The following MCC variants were observed in gnomAD, a reference collection of about 807,000 sequenced individuals.
MCC encodes the protein MCC regulator of Wnt signaling pathway.
In MCC, 90 loss-of-function variants were observed where a neutral mutation model predicts 116.2. The observed-to-expected ratio is 0.77, with a 90% CI of 0.65 to 0.92. The LOEUF is 0.92. Ranked by LOEUF, MCC falls within the 40% of genes least tolerant of loss-of-function variation. The probability of loss-of-function intolerance (pLI) is 0.00; values close to 1 mark genes in which losing one functional copy is unlikely to be tolerated. For synonymous variants in MCC, 578 were observed against 510.5 expected (o/e 1.13, Z -1.78); for missense variants, 1,516 against 1,312.2 (o/e 1.16, Z -2.40).
chr5:113,412,198 G>A (rs1428467584), intron 1 of MCC, among the ~76,000 whole-genome samples: 1 of 152,150 alleles, frequency 6.6e-6, no homozygotes, highest in African/African-American at 2.4e-5. Context: ...TTTGAAGTCA[G>A]GTAGCGTGAT....
At chr5:113,103,015 G>A (rs541157167) in intron 7 of MCC, among the ~76,000 whole-genome samples, 1 of 152,334 alleles carries the variant, frequency 6.6e-6, no homozygotes, top group South Asian at 2.1e-4. Context: ...TTGGGAGGCT[G>A]AGGCAGGAGA....
intron 3 of MCC, among the ~76,000 whole-genome samples, chr5:113,176,882 G>A (rs1761362294): frequency 6.6e-6 from 1 of 152,068 alleles, no homozygotes. Flanking sequence ...AGGGTCCACT[G>A]CTTGTCTAGA....
At chr5:113,262,786 T>G (rs918262437) in intron 3 of MCC, among the ~76,000 whole-genome samples, 54 of 152,138 alleles carry the variant, frequency 3.5e-4, no homozygotes, top group Non-Finnish European at 8.8e-5. Context: ...CCTGATTTTC[T>G]GATTAAGGAG....
rs1447110674 is a variant in MCC, at chr5:113,218,007, C to T, written c.628-66585G>A. 3.3e-5 allele frequency among the ~76,000 whole-genome samples: 5 copies of T among 151,412 alleles called. No individual in the cohort carries two copies. In the East Asian group the frequency reaches 9.7e-4, roughly 29 times the overall value. ...GCAGTTTGATCTGTCCCATGCTGACCAGACACTGTAAATAGTTTAGTTTAG... is the reference window on the plus strand; with the variant it reads ...GCAGTTTGATCTGTCCCATGCTGACTAGACACTGTAAATAGTTTAGTTTAG... On this transcript the variant is annotated intron_variant, in intron 3 of 18. Coordinates refer to ENST00000408903, the MANE Select transcript of MCC (RefSeq NM_001085377.2).
chr5:113,357,201 C>T (rs902339089), intron 2 of MCC, among the ~76,000 whole-genome samples: 35 of 152,036 alleles, frequency 2.3e-4, no homozygotes, highest in African/African-American at 7.5e-4. Flanking sequence ...TAAGACAATC[C>T]CTGGCATATG....
At chr5:113,349,543 C>T (rs1286675362) in intron 2 of MCC, among the ~76,000 whole-genome samples, 2 of 151,892 alleles carry the variant, frequency 1.3e-5, no homozygotes, top group African/African-American at 4.8e-5. Flanking sequence ...AGGGATATAC[C>T]TAAACATAAT....
At chr5:113,366,129 T>G (rs543331156) in intron 2 of MCC, among the ~76,000 whole-genome samples, 48 of 152,238 alleles carry the variant, frequency 3.2e-4, no homozygotes, top group African/African-American at 1.1e-3. Context: ...TCTCTTCATT[T>G]CTAATTAGTT....
chr5:113,070,693 G>A (rs562634867), intron 12 of MCC, among the ~76,000 whole-genome samples: 4 of 152,166 alleles, frequency 2.6e-5, no homozygotes, highest in Middle Eastern at 3.4e-3. Flanking sequence ...TGTTGGAGGG[G>A]TTACAGCCAT....
At chr5:113,281,479 T>C (rs17325503) in intron 3 of MCC, among the ~76,000 whole-genome samples, 17,949 of 152,228 alleles carry the variant, frequency 0.12, 1,308 homozygotes, top group Non-Finnish European at 0.17. Flanking sequence ...GTGACCACAA[T>C]GCCACCTCTC....
In MCC at chr5:113,023,406, A is replaced by G. The variant is rs1305014633; in HGVS notation, c.*3896T>C. On this transcript the variant is annotated 3_prime_UTR_variant, in exon 19 of 19. Coordinates refer to ENST00000408903, the MANE Select transcript of MCC (RefSeq NM_001085377.2). ...CCCACTGGATAAGAAAATTTGCTGT[A>G]TGTTTTCCTGAAAAATTTTATAGTG... 1 of 152,198 alleles carries G rather than the reference A, an allele frequency of 6.6e-6. No individual in the cohort carries two copies. The highest frequency in any genetic ancestry group is 1.5e-5 in the Non-Finnish European group (1 of 68,028). The allele number at this position is 152,198 out of a possible 1,614,324, so 9.4% of individuals were successfully genotyped here.
chr5:113,164,418 C>G (rs755127806), intron 3 of MCC, among the ~76,000 whole-genome samples: 6 of 152,200 alleles, frequency 3.9e-5, no homozygotes, highest in Non-Finnish European at 8.8e-5. Flanking sequence ...GTAACTCACT[C>G]TATCAGTAAG....
At chr5:113,138,310 C>T (rs1758962753) in intron 5 of MCC, among the ~76,000 whole-genome samples, 1 of 152,198 alleles carries the variant, frequency 6.6e-6, no homozygotes, top group South Asian at 2.1e-4. Context: ...CACGCCTGGC[C>T]CACGCCAAAA....
At chr5:113,106,071 C>T (rs1756713612) in intron 6 of MCC, among the ~76,000 whole-genome samples, 1 of 152,190 alleles carries the variant, frequency 6.6e-6, no homozygotes, top group African/African-American at 2.4e-5. Context: ...GAGTGAGAAC[C>T]ACTGATCTGA....
At chr5:113,426,267 G>C (rs1473089218) in intron 1 of MCC, among the ~76,000 whole-genome samples, 1 of 152,264 alleles carries the variant, frequency 6.6e-6, no homozygotes, top group South Asian at 2.1e-4. Flanking sequence ...GCAGATGAGG[G>C]CCACAAGGGA....
At chr5:113,119,463 G>A (rs1341460564) in intron 6 of MCC, among the ~76,000 whole-genome samples, 1 of 152,200 alleles carries the variant, frequency 6.6e-6, no homozygotes, top group African/African-American at 2.4e-5. Flanking sequence ...AGGAGAAGCA[G>A]CTCAGGCTGG....
intron 3 of MCC, among the ~76,000 whole-genome samples, chr5:113,246,144 A>C (rs764883580): frequency 6.6e-6 from 1 of 152,252 alleles, no homozygotes; most frequent in Non-Finnish European, 1.5e-5. Context: ...CCATGGAAGG[A>C]CAAGAGCCTG....
chr5:113,331,200 G>A (rs1767688564), intron 3 of MCC, among the ~76,000 whole-genome samples: 2 of 148,132 alleles, frequency 1.4e-5, no homozygotes, highest in African/African-American at 5.3e-5. Context: ...TGGGACAAAA[G>A]CATGTCAATA....
chr5:113,196,272 T>C (rs528273951), intron 3 of MCC, among the ~76,000 whole-genome samples: 49 of 152,340 alleles, frequency 3.2e-4, no homozygotes, highest in African/African-American at 1.2e-3. Flanking sequence ...TTTCCTGACA[T>C]CAGGCTCTCA....
chr5:113,041,458 G>A (rs1172349858), intron 17 of MCC, among the ~76,000 whole-genome samples: 1 of 152,216 alleles, frequency 6.6e-6, no homozygotes, highest in Non-Finnish European at 1.5e-5. Context: ...AATGCAAAAT[G>A]AATGCAGAAA....
Sources: allele counts gnomAD v4.1 joint callset (sites outside exome capture counted in the v4.1 genomes callset), GRCh38; gene constraint gnomAD v4.1.1; transcripts MANE v1.5; gene names NCBI Gene and HGNC (gene_info 2026-07-23, HGNC 2026-07-21).